ZNF778: variants seen among roughly 807,000 people sequenced by gnomAD.
ZNF778 encodes zinc finger protein 778.
A neutral mutation model predicts 23.9 loss-of-function variants in ZNF778; 37 were observed. The observed-to-expected ratio is 1.54, with a 90% CI of 1.19 to 2.03. The LOEUF is 2.03. ZNF778 is among the 30% of genes most tolerant of loss of function. The pLI is 0.00. For missense variants in ZNF778, 1,297 were observed against 934.4 expected, an observed-to-expected ratio of 1.39 and a Z score of -5.06; for synonymous variants, 483 against 343.9, an observed-to-expected ratio of 1.40 and a Z score of -4.48.
rs762395617 is a variant in ZNF778, at chr16:89,227,094, C to A, written c.806C>A (p.Ala269Asp). The change falls in exon 7 of 7, where the codon GCC becomes GAC. Residue 269 changes from alanine (A) to aspartate (D), a missense_variant. Transcript: ENST00000433976. Reference protein sequence around the residue: ...GKALTHSMGCATPVEMHAVRN... With the variant: ...GKALTHSMGCDTPVEMHAVRN... Reference sequence around the variant, plus strand: ...GCTCTAACTCACTCCATGGGCTGCGCCACACCTGTTGAAATGCATGCCGTC... The same window carrying A: ...GCTCTAACTCACTCCATGGGCTGCGACACACCTGTTGAAATGCATGCCGTC... 6 of 1,613,964 alleles carry A rather than the reference C, an allele frequency of 3.7e-6. No homozygotes were observed. The highest frequency in any genetic ancestry group is 5.1e-6 in the Non-Finnish European group (6 of 1,179,870).
chr16:89,220,979 C>T lies in ZNF778; in HGVS notation c.-131-18C>T, dbSNP rs750736081. 31 of 799,822 alleles carry T rather than the reference C, an allele frequency of 3.9e-5. No individual in the cohort carries two copies. The highest frequency in any genetic ancestry group is 6.9e-5 in the African/African-American group (4 of 58,050). The allele number at this position is 799,822 out of a possible 1,614,324, so 49.5% of individuals were successfully genotyped here. On this transcript the variant is annotated intron_variant, in intron 1 of 6. Coordinates refer to ENST00000433976, the MANE Select transcript of ZNF778 (RefSeq NM_001201407.2). The stretch of plus-strand genomic sequence containing the variant: ...GTTTGATAACTGGGAAGTAATGCTT[C>T]TTCATCATGATTGCTAGGAAATAGG...
In ZNF778 at chr16:89,236,989, C is replaced by G. The variant is rs1450825763; in HGVS notation, c.*8427C>G. 1 of 152,054 alleles carries G rather than the reference C, an allele frequency of 6.6e-6. No homozygotes were observed. The highest frequency in any genetic ancestry group is 1.5e-5 in the Non-Finnish European group (1 of 68,056). 9.4% of individuals were successfully genotyped at this position (152,054 alleles called of 1,614,324 possible). A position where few individuals can be genotyped will look rare whatever the true frequency, so the allele number is the denominator to read the frequency against. ...TCAGGAGGCTGAGGCAGGAGAATCA[C>G]TTGAACCCAGGAGGTGGAGGTTGCA... On this transcript the variant is annotated 3_prime_UTR_variant, in exon 7 of 7. Coordinates refer to ENST00000433976, the MANE Select transcript of ZNF778 (RefSeq NM_001201407.2).
Position 89,228,514 on chromosome 16 carries a change from A to T in ZNF778, c.2226A>T (p.Ser742=), listed in dbSNP as rs775239270. ...KDCGKSFKNS[S]CLNHHTQIHT... ...GTGGAAAATCTTTTAAGAATTCCTCATGCCTTAACCATCACACTCAAATTC... is the reference window on the plus strand; with the variant it reads ...GTGGAAAATCTTTTAAGAATTCCTCTTGCCTTAACCATCACACTCAAATTC... Residue 742 remains serine, a synonymous_variant, in exon 7 of 7, where the codon TCA becomes TCT. Coordinates refer to ENST00000433976, the MANE Select transcript of ZNF778 (RefSeq NM_001201407.2). The T allele has an allele frequency of 6.2e-7, 1 of 1,605,962 alleles. No homozygotes were observed. Among genetic ancestry groups the T allele is most frequent in the Admixed American group, 1.7e-5 (1 of 57,938 alleles).
In ZNF778 at chr16:89,235,905, T is replaced by C. The variant is rs1257325860; in HGVS notation, c.*7343T>C. On this transcript the variant is annotated 3_prime_UTR_variant, in exon 7 of 7. Coordinates refer to ENST00000433976, the MANE Select transcript of ZNF778 (RefSeq NM_001201407.2). ...CGGGGGCGGTGGCTCACACCTGTAA[T>C]CCCAGCACTTTGGGAGGCCGAGGTG... 1 of 149,706 alleles carries C rather than the reference T, an allele frequency of 6.7e-6. No individual in the cohort carries two copies. Among genetic ancestry groups the C allele is most frequent in the African/African-American group, 2.5e-5 (1 of 40,170 alleles). The allele number at this position is 149,706 out of a possible 1,614,324, so 9.3% of individuals were successfully genotyped here. A position where few individuals can be genotyped will look rare whatever the true frequency, so the allele number is the denominator to read the frequency against.
rs2031728785 is a variant in ZNF778 at position 89,228,703 on chromosome 16, C to T, written c.*141C>T. 2 of 1,454,772 alleles carry T rather than the reference C, an allele frequency of 1.4e-6. No individual in the cohort carries two copies. Among genetic ancestry groups the T allele is most frequent in the Admixed American group, 5.8e-5 (2 of 34,552 alleles). The allele number at this position is 1,454,772 out of a possible 1,614,324, so 90.1% of individuals were successfully genotyped here. A position where few individuals can be genotyped will look rare whatever the true frequency, so the allele number is the denominator to read the frequency against. ...TCACAACCCGGCAGGCAGGAACTCA[C>T]CCTGGAGCCCTATGCAGCAGACACA... On this transcript the variant is annotated 3_prime_UTR_variant, in exon 7 of 7. Transcript: ENST00000433976.
At chr16:89,219,766 C>T (rs969381246) in intron 1 of ZNF778, among the ~76,000 whole-genome samples, 3 of 152,268 alleles carry the variant, frequency 2.0e-5, no homozygotes, top group African/African-American at 7.2e-5. Context: ...GGCAGCCTTA[C>T]AGGCAACTGT....
Position 89,226,992 on chromosome 16 carries a change from T to C in ZNF778, c.704T>C (p.Leu235Pro), listed in dbSNP as rs2031530916. ...LDYSSCGEVF[L>P]NQSYLQARAG... ...TACAGCAGCTGTGGGGAAGTGTTCC[T>C]TAATCAGTCATACCTTCAGGCACGT... The change falls in exon 7 of 7, where the codon CTT becomes CCT. Residue 235 changes from leucine (L) to proline (P), a missense_variant. Coordinates refer to ENST00000433976, the MANE Select transcript of ZNF778 (RefSeq NM_001201407.2). The C allele has an allele frequency of 6.2e-7, 1 of 1,614,030 alleles. No homozygotes were observed. The highest frequency in any genetic ancestry group is 1.3e-5 in the African/African-American group (1 of 75,056).
At chr16:89,222,033 A>C (rs2031004752) in intron 2 of ZNF778, 59 bp from the exon 3 acceptor site, 1 of 1,248,438 alleles carries the variant, frequency 8.0e-7, no homozygotes, top group Non-Finnish European at 1.1e-6. Flanking sequence ...CGGGTCCATG[A>C]GTGTGGAATT....
chr16:89,229,131 T>G lies in ZNF778; in HGVS notation c.*569T>G, dbSNP rs2031760645. On this transcript the variant is annotated 3_prime_UTR_variant, in exon 7 of 7. Transcript: ENST00000433976. ...TCTGTTCCCTGTAGAAATCCTCCAG[T>G]CTGGTTGCTACAGTGTCCACGTCGC... is the stretch of plus-strand genomic sequence containing the variant. 2.0e-6 allele frequency: 2 copies of G among 986,174 alleles called. No individual in the cohort carries two copies. The highest frequency in any genetic ancestry group is 3.5e-5 in the African/African-American group (2 of 57,390). 61.1% of individuals were successfully genotyped at this position (986,174 alleles called of 1,614,324 possible).
rs1264296645 is a variant in ZNF778 at position 89,227,859 on chromosome 16, T to TG, written c.1572dup (p.Arg525AlafsTer10). On this transcript the variant is annotated frameshift_variant, in exon 7 of 7. Transcript: ENST00000433976. LOFTEE classifies it low-confidence loss of function (END_TRUNC). ...GGGCGCTCAGGCCTCACTAAACACA[T>TG]GCGGACACACACCGGGGAGAAGCCC... is the stretch of plus-strand genomic sequence containing the variant. 1 of 1,613,872 alleles carries TG rather than the reference T, an allele frequency of 6.2e-7. No homozygotes were observed. Among genetic ancestry groups the TG allele is most frequent in the South Asian group, 1.1e-5 (1 of 91,074 alleles).
At chr16:89,225,482 T>C in intron 5 of ZNF778, 73 bp from the exon 6 acceptor site, 1 of 1,240,026 alleles carries the variant, frequency 8.1e-7, no homozygotes, top group South Asian at 1.4e-5. Flanking sequence ...TTGTTTTTTT[T>C]TCTGCCATGT....
Position 89,232,362 on chromosome 16 carries a change from C to T in ZNF778, c.*3800C>T. ...GCCAGTGCTATGCTTGCACAGCCTG[C>T]TGAACCATGAGCCAAATAAGCCTCT... On this transcript the variant is annotated 3_prime_UTR_variant, in exon 7 of 7. Coordinates refer to ENST00000433976, the MANE Select transcript of ZNF778 (RefSeq NM_001201407.2). The T allele has an allele frequency of 3.5e-6, 1 of 289,102 alleles. No individual in the cohort carries two copies. The highest frequency in any genetic ancestry group is 6.7e-6 in the Non-Finnish European group (1 of 149,258). 17.9% of individuals were successfully genotyped at this position (289,102 alleles called of 1,614,324 possible). A position where few individuals can be genotyped will look rare whatever the true frequency, so the allele number is the denominator to read the frequency against.
Position 89,224,622 on chromosome 16 carries a change from A to G in ZNF778, c.245-97A>G, listed in dbSNP as rs2031297693. The G allele has an allele frequency of 3.2e-6, 3 of 930,264 alleles. No individual in the cohort carries two copies. The South Asian group carries it at 4.2e-5, about 13-fold the overall frequency. 57.6% of individuals were successfully genotyped at this position (930,264 alleles called of 1,614,324 possible). ...CAACAGCGCGAGACGCTGTCTCAAA[A>G]AATAATAAAAAAAAGGAAATGTAGT... is the stretch of plus-strand genomic sequence containing the variant. On this transcript the variant is annotated intron_variant, in intron 4 of 6. Transcript: ENST00000433976.
At chr16:89,226,636 T>G in intron 6 of ZNF778, 58 bp from the exon 7 acceptor site, 27 of 1,448,918 alleles carry the variant, frequency 1.9e-5, no homozygotes, top group Non-Finnish European at 2.4e-5. Context: ...TTCAGCTGGG[T>G]GAGATCTATG....
rs947766375 is a variant in ZNF778, at chr16:89,234,183, G to A, written c.*5621G>A. 1.1e-4 allele frequency: 44 copies of A among 388,970 alleles called. No individual in the cohort carries two copies. The highest frequency in any genetic ancestry group is 1.7e-3 in the Middle Eastern group (2 of 1,176). 24.1% of individuals were successfully genotyped at this position (388,970 alleles called of 1,614,324 possible). ...CACTCACTCACCTTGACGAGTCCGC[G>A]TCTAGGCCCCACCAGTGGTGTGGTT... is the stretch of plus-strand genomic sequence containing the variant. On this transcript the variant is annotated 3_prime_UTR_variant, in exon 7 of 7. Transcript: ENST00000433976.
Position 89,225,628 on chromosome 16 carries a change from G to A in ZNF778, c.402G>A (p.Gln134=), listed in dbSNP as rs762132139. The A allele has an allele frequency of 1.9e-6, 3 of 1,611,888 alleles. No individual in the cohort carries two copies. Among genetic ancestry groups the A allele is most frequent in the Non-Finnish European group, 2.5e-6 (3 of 1,178,626 alleles). The change falls in exon 6 of 7, where the codon CAG becomes CAA. Residue 134 remains glutamine (Q), a synonymous_variant. Coordinates refer to ENST00000433976, the MANE Select transcript of ZNF778 (RefSeq NM_001201407.2). ...GGTTCAGAGCATCAAATGAGACACA[G>A]ACGGTAAGATTAACAAGAGAGATTT... ...RSWFRASNET[Q]TARSHNGGQL...
rs2032220587 is a variant in ZNF778 at position 89,235,904 on chromosome 16, A to G, written c.*7342A>G. 6.6e-6 allele frequency: 1 copy of G among 151,836 alleles called. No homozygotes were observed. The highest frequency in any genetic ancestry group is 2.4e-5 in the African/African-American group (1 of 41,254). 9.4% of individuals were successfully genotyped at this position (151,836 alleles called of 1,614,324 possible). ...CCGGGGGCGGTGGCTCACACCTGTA[A>G]TCCCAGCACTTTGGGAGGCCGAGGT... is the stretch of plus-strand genomic sequence containing the variant. On this transcript the variant is annotated 3_prime_UTR_variant, in exon 7 of 7. Transcript: ENST00000433976.
At position 89,232,586 on chromosome 16, in the gene ZNF778, G is replaced by A; in HGVS notation, c.*4024G>A. On this transcript the variant is annotated 3_prime_UTR_variant, in exon 7 of 7. Coordinates refer to ENST00000433976, the MANE Select transcript of ZNF778 (RefSeq NM_001201407.2). Reference sequence around the variant, plus strand: ...CTGTGTGAAAATCTCCACTCCCAATGTCTGAGGGTTCCTCAGAGTAAGATA... The same window carrying A: ...CTGTGTGAAAATCTCCACTCCCAATATCTGAGGGTTCCTCAGAGTAAGATA... 4 of 1,171,542 alleles carry A rather than the reference G, an allele frequency of 3.4e-6. No individual in the cohort carries two copies. The highest frequency in any genetic ancestry group is 4.3e-6 in the Non-Finnish European group (4 of 926,014). 72.6% of individuals were successfully genotyped at this position (1,171,542 alleles called of 1,614,324 possible).
In ZNF778 at chr16:89,234,920, A is replaced by G. The variant is rs905044190; in HGVS notation, c.*6358A>G. ...ACAGAGTGAGACTCTGTCTCAAAAAAAAAGGAAAAATATTTCTTAATTTTG... is the reference window on the plus strand; with the variant it reads ...ACAGAGTGAGACTCTGTCTCAAAAAGAAAGGAAAAATATTTCTTAATTTTG... On this transcript the variant is annotated 3_prime_UTR_variant, in exon 7 of 7. Coordinates refer to ENST00000433976, the MANE Select transcript of ZNF778 (RefSeq NM_001201407.2). 3 of 152,216 alleles carry G rather than the reference A, an allele frequency of 2.0e-5. No individual in the cohort carries two copies. The highest frequency in any genetic ancestry group is 7.2e-5 in the African/African-American group (3 of 41,448). The allele number at this position is 152,216 out of a possible 1,614,324, so 9.4% of individuals were successfully genotyped here.
Sources: allele counts gnomAD v4.1 joint callset (sites outside exome capture counted in the v4.1 genomes callset), GRCh38; gene constraint gnomAD v4.1.1; transcripts MANE v1.5; gene names NCBI Gene and HGNC (gene_info 2026-07-23, HGNC 2026-07-21).